Variants in SLC44A1 observed in about 807,000 individuals in gnomAD.
The protein encoded by SLC44A1 is choline transporter-like protein 1.
A neutral mutation model predicts 79.3 loss-of-function variants in SLC44A1; 26 were observed. The ratio of observed to expected loss-of-function variants is 0.33; its 90% confidence interval spans 0.24 to 0.46. The LOEUF (loss-of-function observed/expected upper bound fraction) is 0.46. Among genes scored for constraint, SLC44A1 ranks in the 20% least tolerant of loss-of-function variants. The pLI, the probability that SLC44A1 is intolerant of heterozygous loss-of-function variation, is 1.00. For missense variants in SLC44A1, 688 were observed against 798.1 expected, an observed-to-expected ratio of 0.86 and a Z score of 1.66; for synonymous variants, 263 against 286.2, an observed-to-expected ratio of 0.92 and a Z score of 0.82.
Position 105,392,850 on chromosome 9 carries a change from ACTTTCCAATAGC to A in SLC44A1, c.*3798_*3809del. On this transcript the variant is annotated 3_prime_UTR_variant, in exon 16 of 16. Coordinates refer to ENST00000374720, the MANE Select transcript of SLC44A1 (RefSeq NM_080546.5). ...TCAGTAACCTTGTCATTTAAATTGG[ACTTTCCAATAGC>A]CTTAACATGGCCTCTGAGAAGTTTC... 1.2e-5 allele frequency: 12 copies of A among 985,362 alleles called. No homozygotes were observed. Among genetic ancestry groups the A allele is most frequent in the Non-Finnish European group, 1.4e-5 (12 of 829,882 alleles). 61.0% of individuals were successfully genotyped at this position (985,362 alleles called of 1,614,324 possible).
intron 13 of SLC44A1, among the ~76,000 whole-genome samples, chr9:105,376,691 TAAG>T (rs1479049372): frequency 6.6e-6 from 1 of 152,082 alleles, no homozygotes; most frequent in East Asian, 1.9e-4. Context: ...CAAAGGGAAA[TAAG>T]AAGCCATTTA....
chr9:105,364,918 T>C (rs1458707184), intron 10 of SLC44A1, among the ~76,000 whole-genome samples, 198 bp downstream of exon 10: 1 of 152,234 alleles, frequency 6.6e-6, no homozygotes, highest in Non-Finnish European at 1.5e-5. Flanking sequence ...TTTTATTCTT[T>C]ATACTTTTCT....
downstream of SLC44A1, among the ~76,000 whole-genome samples, chr9:105,400,937 G>A (rs1314085069): frequency 6.6e-6 from 1 of 152,106 alleles, no homozygotes; most frequent in Non-Finnish European, 1.5e-5. Context: ...TGGCAGTAGT[G>A]TAACCACTAC....
At chr9:105,287,242 A>C (rs1003684338) in intron 1 of SLC44A1, among the ~76,000 whole-genome samples, 1 of 152,228 alleles carries the variant, frequency 6.6e-6, no homozygotes. Context: ...CATGTTGTAC[A>C]CCTTAGATAT....
At chr9:105,350,502 G>A (rs576986359) in intron 5 of SLC44A1, among the ~76,000 whole-genome samples, 1 of 152,112 alleles carries the variant, frequency 6.6e-6, no homozygotes, top group African/African-American at 2.4e-5. Flanking sequence ...AATGGCAAAA[G>A]ACCAGCACCA....
At chr9:105,264,859 C>T (rs543324045) in intron 1 of SLC44A1, among the ~76,000 whole-genome samples, 85 of 151,060 alleles carry the variant, frequency 5.6e-4, no homozygotes, top group Middle Eastern at 3.4e-3. Flanking sequence ...TGCAAAGGTG[C>T]GATCTCGGCT....
At chr9:105,268,932 T>C (rs553767209) in intron 1 of SLC44A1, among the ~76,000 whole-genome samples, 1 of 152,344 alleles carries the variant, frequency 6.6e-6, no homozygotes, top group South Asian at 2.1e-4. Flanking sequence ...TACCTTGCCG[T>C]TCACCAAAAG....
chr9:105,272,989 A>G (rs960267939), intron 1 of SLC44A1, among the ~76,000 whole-genome samples: 2 of 151,310 alleles, frequency 1.3e-5, no homozygotes, highest in Non-Finnish European at 2.9e-5. Flanking sequence ...GTATGTATAT[A>G]TAATTTTTTT....
chr9:105,428,857 C>A (rs954342604), intron 15 of SLC44A1, among the ~76,000 whole-genome samples: 1 of 152,178 alleles, frequency 6.6e-6, no homozygotes, highest in African/African-American at 2.4e-5. Context: ...AGGCACGCGC[C>A]ACCACGCCCA....
chr9:105,336,267 A>G (rs576936656), intron 4 of SLC44A1, among the ~76,000 whole-genome samples: 29 of 152,202 alleles, frequency 1.9e-4, no homozygotes, highest in African/African-American at 5.8e-4. Flanking sequence ...TACTTTTTCA[A>G]TGAGTCGGTG....
chr9:105,266,418 A>G (rs1829963097), intron 1 of SLC44A1, among the ~76,000 whole-genome samples: 1 of 152,162 alleles, frequency 6.6e-6, no homozygotes, highest in African/African-American at 2.4e-5. Flanking sequence ...CCTATGTTTT[A>G]TTCTAAAATT....
Position 105,364,724 on chromosome 9 carries a change from A to G in SLC44A1, c.1253+4A>G. 6.2e-7 allele frequency: 1 copy of G among 1,610,622 alleles called. No individual in the cohort carries two copies. On this transcript the variant is annotated splice_donor_region_variant and intron_variant, in intron 10 of 15. Coordinates refer to ENST00000374720, the MANE Select transcript of SLC44A1 (RefSeq NM_080546.5). ...TGGTAACATACTATTTTACTAGGTAAGAATATGTTGTTATTAGAAAACTCG... is the reference window on the plus strand; with the variant it reads ...TGGTAACATACTATTTTACTAGGTAGGAATATGTTGTTATTAGAAAACTCG...
At position 105,299,413 on chromosome 9, in the gene SLC44A1, A is replaced by G. The variant is rs575234292; in HGVS notation, c.126+104A>G. ...TTGTGGAATATACCAGTCCTCATACAATTCAGTGGTATTTTGTGTCACTCT... is the reference window on the plus strand; with the variant it reads ...TTGTGGAATATACCAGTCCTCATACGATTCAGTGGTATTTTGTGTCACTCT... On this transcript the variant is annotated intron_variant, in intron 2 of 15. Coordinates refer to ENST00000374720, the MANE Select transcript of SLC44A1 (RefSeq NM_080546.5). 8.2e-5 allele frequency: 54 copies of G among 658,640 alleles called. No homozygotes were observed. In the South Asian group the frequency reaches 1.4e-3, roughly 17 times the overall value. The allele number at this position is 658,640 out of a possible 1,614,324, so 40.8% of individuals were successfully genotyped here. A position where few individuals can be genotyped will look rare whatever the true frequency, so the allele number is the denominator to read the frequency against.
chr9:105,291,165 GC>G (rs1187953193), intron 1 of SLC44A1, among the ~76,000 whole-genome samples: 2 of 152,118 alleles, frequency 1.3e-5, no homozygotes, highest in African/African-American at 2.4e-5. Context: ...GAAAACTGTG[GC>G]AAAAATGATA....
intron 15 of SLC44A1, among the ~76,000 whole-genome samples, chr9:105,411,490 A>G: frequency 7.2e-6 from 1 of 139,296 alleles, no homozygotes; most frequent in African/African-American, 2.8e-5. Flanking sequence ...GTGCGTGTGC[A>G]TTTTACAGAC....
At chr9:105,254,642 A>G (rs986183890) in intron 1 of SLC44A1, among the ~76,000 whole-genome samples, 1 of 152,232 alleles carries the variant, frequency 6.6e-6, no homozygotes, top group African/African-American at 2.4e-5. Context: ...GTTCAAAGTC[A>G]CACAGTTAGT....
At chr9:105,362,334 T>C (rs1827807520) in intron 8 of SLC44A1, among the ~76,000 whole-genome samples, 1 of 152,182 alleles carries the variant, frequency 6.6e-6, no homozygotes, top group South Asian at 2.1e-4. Context: ...CAACAAAATA[T>C]GAATGAAATC....
chr9:105,365,547 C>G lies in SLC44A1; in HGVS notation c.1318C>G (p.Leu440Val), dbSNP rs1318544414. 6.2e-7 allele frequency: 1 copy of G among 1,613,074 alleles called. No individual in the cohort carries two copies. Among genetic ancestry groups the G allele is most frequent in the Admixed American group, 1.7e-5 (1 of 59,998 alleles). Residue 440 changes from leucine (L) to valine (V), a missense_variant, in exon 11 of 16, where the codon CTA becomes GTA. Leu to Val is a conservative substitution (Grantham distance 32). Coordinates refer to ENST00000374720, the MANE Select transcript of SLC44A1 (RefSeq NM_080546.5). Reference protein sequence around the residue: ...ASVNRLIRYHLGTVAKGSFII... With the variant: ...ASVNRLIRYHVGTVAKGSFII... ...AGTAAATCGCCTTATTCGTTACCACCTAGGTACGGTGGCAAAAGGATCTTT... is the reference window on the plus strand; with the variant it reads ...AGTAAATCGCCTTATTCGTTACCACGTAGGTACGGTGGCAAAAGGATCTTT...
intron 5 of SLC44A1, among the ~76,000 whole-genome samples, chr9:105,351,242 A>T (rs1368286887): frequency 6.6e-6 from 1 of 152,180 alleles, no homozygotes; most frequent in Admixed American, 6.5e-5. Context: ...ATGACAAATT[A>T]ATAGCCAAAG....
Sources: gnomAD v4.1 joint callset for allele counts (sites outside exome capture counted in the v4.1 genomes callset) on GRCh38, gnomAD v4.1.1 for gene constraint, MANE v1.5 for transcripts, NCBI Gene and HGNC (gene_info 2026-07-23, HGNC 2026-07-21) for gene names.